CRBN: variants seen among roughly 807,000 people sequenced by gnomAD.
The protein encoded by CRBN is cereblon.
In CRBN, 53 loss-of-function variants were observed where a neutral mutation model predicts 62.2. That is an observed-to-expected ratio of 0.85 (90% CI 0.68 to 1.07). The LOEUF (loss-of-function observed/expected upper bound fraction) is 1.07. CRBN is among the 50% of genes least tolerant of loss of function. The probability of loss-of-function intolerance (pLI) is 0.00; values close to 1 mark genes in which losing one functional copy is unlikely to be tolerated. For synonymous variants in CRBN, 208 were observed against 176.1 expected (o/e 1.18, Z -1.43); for missense variants, 616 against 531.1 (o/e 1.16, Z -1.57).
At chr3:3,174,684 TAATA>T (rs5846250) in intron 2 of CRBN, among the ~76,000 whole-genome samples, 99,095 of 151,526 alleles carry the variant, frequency 0.65, 34,600 homozygotes, top group Non-Finnish European at 0.8. Context: ...TACAAACACT[TAATA>T]AACGTGGTAT....
rs1418395013 is a variant in CRBN at position 3,150,066 on chromosome 3, A to C, written c.*799T>G. ...ACAGATTTTCTTCAATTTACATTGA[A>C]CAAAATAATACAGTATCAAGTTTAG... is the stretch of plus-strand genomic sequence containing the variant. On this transcript the variant is annotated 3_prime_UTR_variant, in exon 11 of 11. Transcript: ENST00000231948. 6.6e-6 allele frequency: 1 copy of C among 152,206 alleles called. No individual in the cohort carries two copies. The highest frequency in any genetic ancestry group is 2.4e-5 in the African/African-American group (1 of 41,454). The allele number at this position is 152,206 out of a possible 1,614,324, so 9.4% of individuals were successfully genotyped here.
intron 7 of CRBN, 128 bp downstream of exon 7, chr3:3,154,619 G>T: frequency 1.5e-6 from 1 of 670,204 alleles, no homozygotes; most frequent in Non-Finnish European, 2.7e-6. Flanking sequence ...AGGAAATTAT[G>T]CTTTTCAGAA....
intron 5 of CRBN, 187 bp from the exon 6 acceptor site, chr3:3,156,468 C>T (rs1706898582): frequency 1.7e-6 from 1 of 599,114 alleles, no homozygotes; most frequent in Non-Finnish European, 3.0e-6. Flanking sequence ...CTATATCCTT[C>T]AAATATATAT....
intron 5 of CRBN, among the ~76,000 whole-genome samples, chr3:3,161,010 G>A (rs1047920300): frequency 2.6e-4 from 39 of 152,234 alleles, no homozygotes; most frequent in African/African-American, 9.4e-4. Context: ...GAAAAGTAAT[G>A]AAACCACAGC....
chr3:3,163,830 A>G (rs1707228837), intron 5 of CRBN, among the ~76,000 whole-genome samples: 1 of 152,170 alleles, frequency 6.6e-6, no homozygotes, highest in Non-Finnish European at 1.5e-5. Context: ...AAACAAACAA[A>G]AAAAAAATTA....
chr3:3,158,241 C>T (rs372393187), intron 5 of CRBN, among the ~76,000 whole-genome samples: 16 of 152,274 alleles, frequency 1.1e-4, no homozygotes, highest in African/African-American at 3.1e-4. Flanking sequence ...ATAGGGTTTG[C>T]GCTCCTATAA....
intron 3 of CRBN, 40 bp downstream of exon 3, chr3:3,174,019 G>T (rs1707729915): frequency 1.3e-6 from 2 of 1,523,160 alleles, no homozygotes; most frequent in Non-Finnish European, 1.8e-6. Context: ...AATTACCCAT[G>T]AGAGGGAATG....
At chr3:3,170,802 T>C (rs769388595) in intron 4 of CRBN, among the ~76,000 whole-genome samples, 7 of 152,134 alleles carry the variant, frequency 4.6e-5, no homozygotes, top group Non-Finnish European at 8.8e-5. Context: ...ATCAGTTTGA[T>C]GTTAATCTTT....
chr3:3,170,050 G>A (rs1707538306), intron 4 of CRBN, among the ~76,000 whole-genome samples: 1 of 151,888 alleles, frequency 6.6e-6, no homozygotes, highest in Non-Finnish European at 1.5e-5. Context: ...TATAATCTCT[G>A]CTCAGTGCAA....
rs1313146273 is a variant in CRBN at position 3,173,665 on chromosome 3, T to C, written c.377+394A>G. 1.4e-4 allele frequency among the ~76,000 whole-genome samples: 22 copies of C among 152,154 alleles called. 1 individual carries two copies. The highest frequency in any genetic ancestry group is 1.5e-5 in the Non-Finnish European group (1 of 68,032). The stretch of plus-strand genomic sequence containing the variant: ...CTTCAATTTAAAGTGGTACAACCTA[T>C]GAATTTTGAGAGAGAGGGAAAGAAA... On this transcript the variant is annotated intron_variant, in intron 3 of 10. Coordinates refer to ENST00000231948, the MANE Select transcript of CRBN (RefSeq NM_016302.4).
chr3:3,174,807 G>A (rs1707764613), intron 2 of CRBN, among the ~76,000 whole-genome samples: 1 of 152,050 alleles, frequency 6.6e-6, no homozygotes, highest in South Asian at 2.1e-4. Context: ...AATTTTTTTA[G>A]TACAAAGTAT....
intron 5 of CRBN, among the ~76,000 whole-genome samples, chr3:3,159,505 A>G (rs1438521279): frequency 6.6e-6 from 1 of 152,206 alleles, no homozygotes; most frequent in East Asian, 1.9e-4. Flanking sequence ...CTGAAATAAT[A>G]TGTAAATTTC....
chr3:3,149,840 T>C (rs532480339), downstream of CRBN: 12 of 152,242 alleles, frequency 7.9e-5, no homozygotes, highest in African/African-American at 2.6e-4. Context: ...TTTAACCTGA[T>C]TAGTTTTAAA....
intron 5 of CRBN, among the ~76,000 whole-genome samples, chr3:3,160,218 T>A (rs1707080553): frequency 6.6e-6 from 1 of 152,120 alleles, no homozygotes; most frequent in African/African-American, 2.4e-5. Context: ...TTTAAGTGAG[T>A]CTTTGAAGTG....
At chr3:3,157,842 C>T (rs1456667730) in intron 5 of CRBN, among the ~76,000 whole-genome samples, 5 of 152,126 alleles carry the variant, frequency 3.3e-5, no homozygotes, top group Non-Finnish European at 7.4e-5. Context: ...CCATGCTGTT[C>T]AAATATGGGA....
chr3:3,169,368 A>C (rs532040324), intron 4 of CRBN, among the ~76,000 whole-genome samples: 1 of 152,224 alleles, frequency 6.6e-6, no homozygotes, highest in Non-Finnish European at 1.5e-5. Flanking sequence ...CATAATTTAT[A>C]TAAATGTTAT....
chr3:3,153,298 CTA>C, intron 9 of CRBN, 124 bp downstream of exon 9: 1 of 648,932 alleles, frequency 1.5e-6, no homozygotes, highest in East Asian at 2.8e-5. Flanking sequence ...AGCTAATTCC[CTA>C]TATTTCATTT....
At chr3:3,154,240 T>C in intron 7 of CRBN, 165 bp from the exon 8 acceptor site, 1 of 607,422 alleles carries the variant, frequency 1.6e-6, no homozygotes, top group African/African-American at 1.9e-5. Flanking sequence ...AGATACACTT[T>C]TCAGAAGCTC....
At position 3,169,015 on chromosome 3, in the gene CRBN, T is replaced by C. The variant is rs74728535; in HGVS notation, c.528-1222A>G. ...ATTACATTATGAAGGTAAAAGTATA[T>C]ACCATCCTATAGAAATTTTTAGAAA... On this transcript the variant is annotated intron_variant, in intron 4 of 10. Transcript: ENST00000231948. Among the ~76,000 whole-genome samples, 134 of 152,342 alleles carry C rather than the reference T, an allele frequency of 8.8e-4. 5 individuals are homozygous for C. In the East Asian group the frequency reaches 0.024, roughly 27 times the overall value.
Sources: allele counts gnomAD v4.1 joint callset (sites outside exome capture counted in the v4.1 genomes callset), GRCh38; gene constraint gnomAD v4.1.1; transcripts MANE v1.5; gene names NCBI Gene and HGNC (gene_info 2026-07-23, HGNC 2026-07-21).